The following RBM26 variants were observed in gnomAD, a reference collection of about 807,000 sequenced individuals.
RBM26 encodes the protein RNA binding motif protein 26, also known as RNA-binding protein 26.
A neutral mutation model predicts 123.6 loss-of-function variants in RBM26; 30 were observed. The ratio of observed to expected loss-of-function variants is 0.24; its 90% CI spans 0.18 to 0.33. RBM26 has a LOEUF of 0.33. Ranked by LOEUF, RBM26 falls within the 10% of genes least tolerant of loss-of-function variation. The probability of loss-of-function intolerance (pLI) is 1.00; values close to 1 mark genes in which losing one functional copy is unlikely to be tolerated. For missense variants in RBM26, 947 were observed against 1,203.6 expected (o/e 0.79, Z 3.15); for synonymous variants, 400 against 404.4 (o/e 0.99, Z 0.13).
intron 20 of RBM26, among the ~76,000 whole-genome samples, chr13:79,331,124 C>A (rs2069245958): frequency 6.6e-6 from 1 of 152,118 alleles, no homozygotes; most frequent in African/African-American, 2.4e-5. Flanking sequence ...GATCCTCCCA[C>A]CTTAGCCTCG....
chr13:79,333,607 C>T (rs924007251), intron 20 of RBM26, among the ~76,000 whole-genome samples: 1 of 152,170 alleles, frequency 6.6e-6, no homozygotes, highest in Non-Finnish European at 1.5e-5. Flanking sequence ...AAGGACAAAA[C>T]AGTGACACTG....
intron 1 of RBM26, among the ~76,000 whole-genome samples, chr13:79,394,336 G>C (rs2078368713): frequency 6.6e-6 from 1 of 152,180 alleles, no homozygotes; most frequent in Non-Finnish European, 1.5e-5. Context: ...TTTTGAGTTA[G>C]CACCCCTTTG....
chr13:79,372,456 C>T lies in RBM26; in HGVS notation c.328-526G>A, dbSNP rs1188817826. ...TATCCAAACAAAGTAAATTTCTCTA[C>T]TAAGTATAATCATTTAACTATAATG... On this transcript the variant is annotated intron_variant, in intron 3 of 21. Coordinates refer to ENST00000438737, the MANE Select transcript of RBM26 (RefSeq NM_001366735.2). Among the ~76,000 whole-genome samples the T allele has an allele frequency of 2.6e-5, 4 of 151,800 alleles. No homozygotes were observed. In the East Asian group the frequency reaches 7.7e-4, roughly 29 times the overall value.
At chr13:79,393,021 A>G (rs754648301) in intron 1 of RBM26, among the ~76,000 whole-genome samples, 1 of 152,142 alleles carries the variant, frequency 6.6e-6, no homozygotes, top group Non-Finnish European at 1.5e-5. Flanking sequence ...ACAAGCCACA[A>G]AGTGAGTCTA....
intron 1 of RBM26, among the ~76,000 whole-genome samples, chr13:79,380,195 C>T (rs2140251485): frequency 6.6e-6 from 1 of 152,088 alleles, no homozygotes; most frequent in South Asian, 2.1e-4. Flanking sequence ...GTGCACATGT[C>T]CATTTAGAGA....
In RBM26 at chr13:79,320,520, T is replaced by A; in HGVS notation, c.*101A>T. 1 of 1,272,930 alleles carries A rather than the reference T, an allele frequency of 7.9e-7. No individual in the cohort carries two copies. The highest frequency in any genetic ancestry group is 3.0e-5 in the East Asian group (1 of 33,352). The allele number at this position is 1,272,930 out of a possible 1,614,324, so 78.9% of individuals were successfully genotyped here. A position where few individuals can be genotyped will look rare whatever the true frequency, so the allele number is the denominator to read the frequency against. ...ATTTGTGAAATCCATCTTCATCACA[T>A]TTTACCAAAAATTGTTTTTACAAAT... On this transcript the variant is annotated 3_prime_UTR_variant, in exon 22 of 22. Transcript: ENST00000438737.
chr13:79,348,309 A>G (rs1424258290), intron 14 of RBM26, among the ~76,000 whole-genome samples: 1 of 152,052 alleles, frequency 6.6e-6, no homozygotes, highest in East Asian at 1.9e-4. Flanking sequence ...AATGTATAGC[A>G]CTAATACCTC....
chr13:79,383,370 C>T (rs1452317419), intron 1 of RBM26, among the ~76,000 whole-genome samples: 5 of 152,082 alleles, frequency 3.3e-5, no homozygotes, highest in Non-Finnish European at 7.4e-5. Context: ...AAAAATTACA[C>T]TGTAGATAAA....
Position 79,366,823 on chromosome 13 carries a change from A to G in RBM26, c.945T>C (p.Ser315=). ...TCACATCTTCTACAACTACTGGATC[A>G]CTTCCATGATCAAAAGGACACATGT... ...RGDMCPFDHG[S]DPVVVEDVNL... Residue 315 remains serine, a synonymous_variant, in exon 7 of 22, where the codon AGT becomes AGC. Transcript: ENST00000438737. 1.9e-6 allele frequency: 3 copies of G among 1,613,382 alleles called. No homozygotes were observed. The highest frequency in any genetic ancestry group is 2.5e-6 in the Non-Finnish European group (3 of 1,179,472).
chr13:79,344,580 T>C (rs2071978930), intron 15 of RBM26, 89 bp downstream of exon 15: 1 of 1,200,160 alleles, frequency 8.3e-7, no homozygotes, highest in African/African-American at 1.5e-5. Context: ...CCTTGTAGTC[T>C]TATTTTGCAA....
intron 19 of RBM26, among the ~76,000 whole-genome samples, chr13:79,335,641 T>C (rs1169772159): frequency 1.3e-5 from 2 of 152,154 alleles, no homozygotes; most frequent in Non-Finnish European, 2.9e-5. Context: ...AGACTAATAA[T>C]TTAAATGTGA....
chr13:79,378,241 A>AT (rs1483832524), intron 2 of RBM26, among the ~76,000 whole-genome samples: 2 of 152,212 alleles, frequency 1.3e-5, no homozygotes, highest in East Asian at 3.8e-4. Context: ...ATAGGCAGTC[A>AT]TTTTCTTAAT....
chr13:79,381,556 T>C (rs2077072150), intron 1 of RBM26, among the ~76,000 whole-genome samples: 1 of 152,070 alleles, frequency 6.6e-6, no homozygotes, highest in African/African-American at 2.4e-5. Context: ...TAGTGGTTTT[T>C]CCAGTAACTT....
rs531183540 is a variant in RBM26 at position 79,325,281 on chromosome 13, G to A, written c.2821-2819C>T. 2.4e-4 allele frequency among the ~76,000 whole-genome samples: 36 copies of A among 152,086 alleles called. 1 individual carries two copies. The South Asian group carries it at 7.1e-3, about 30-fold the overall frequency. On this transcript the variant is annotated intron_variant, in intron 20 of 21. Coordinates refer to ENST00000438737, the MANE Select transcript of RBM26 (RefSeq NM_001366735.2). ...TAAGTTAATTATAAAACAGCCTCAGGCAGTTTCCTCAGGAGGTATTTCAGA... is the reference window on the plus strand; with the variant it reads ...TAAGTTAATTATAAAACAGCCTCAGACAGTTTCCTCAGGAGGTATTTCAGA...
At chr13:79,325,623 CAA>C (rs2068273621) in intron 20 of RBM26, among the ~76,000 whole-genome samples, 1 of 151,880 alleles carries the variant, frequency 6.6e-6, no homozygotes, top group Non-Finnish European at 1.5e-5. Flanking sequence ...TTACAAGAGT[CAA>C]AAAGTTTTTA....
rs1355419735 is a variant in RBM26 at position 79,318,924 on chromosome 13, A to C, written c.*1697T>G. 1 of 978,028 alleles carries C rather than the reference A, an allele frequency of 1.0e-6. No individual in the cohort carries two copies. The highest frequency in any genetic ancestry group is 1.1e-4 in the East Asian group (1 of 8,792). The allele number at this position is 978,028 out of a possible 1,614,324, so 60.6% of individuals were successfully genotyped here. ...AACTTACCTAATGAATCAGAATAGC[A>C]CATAGTCAACATACAAGAGACTACA... is the stretch of plus-strand genomic sequence containing the variant. On this transcript the variant is annotated 3_prime_UTR_variant, in exon 22 of 22. Coordinates refer to ENST00000438737, the MANE Select transcript of RBM26 (RefSeq NM_001366735.2).
At chr13:79,360,326 AG>A (rs1181818287) in intron 9 of RBM26, among the ~76,000 whole-genome samples, 4 of 152,106 alleles carry the variant, frequency 2.6e-5, no homozygotes, top group Admixed American at 2.6e-4. Flanking sequence ...ATTCAAATAC[AG>A]TAATCTAAGG....
In RBM26 at chr13:79,319,742, A is replaced by C. The variant is rs1001987505; in HGVS notation, c.*879T>G. The C allele has an allele frequency of 3.1e-5, 30 of 983,062 alleles. No homozygotes were observed. The highest frequency in any genetic ancestry group is 3.6e-5 in the Non-Finnish European group (30 of 828,140). 60.9% of individuals were successfully genotyped at this position (983,062 alleles called of 1,614,324 possible). A position where few individuals can be genotyped will look rare whatever the true frequency, so the allele number is the denominator to read the frequency against. On this transcript the variant is annotated 3_prime_UTR_variant, in exon 22 of 22. Transcript: ENST00000438737. ...TTGAAAATTTATAGGATCAAACCAA[A>C]CTCAAGTGGTATAATTTTTAAACAT...
chr13:79,341,163 ACTT>A lies in RBM26; in HGVS notation c.2489_2491del (p.Glu830del). ...TGTATACTTTCTCCTAAGTTCAGTG[ACTT>A]CTTCTCCAGCCTGCATCTTCTTATA... On this transcript the variant is annotated inframe_deletion, in exon 18 of 22. Coordinates refer to ENST00000438737, the MANE Select transcript of RBM26 (RefSeq NM_001366735.2). The A allele has an allele frequency of 2.5e-6, 4 of 1,610,154 alleles. No individual in the cohort carries two copies. The highest frequency in any genetic ancestry group is 1.3e-5 in the African/African-American group (1 of 74,936).
Sources: allele counts gnomAD v4.1 joint callset (sites outside exome capture counted in the v4.1 genomes callset), GRCh38; gene constraint gnomAD v4.1.1; transcripts MANE v1.5; gene names NCBI Gene and HGNC (gene_info 2026-07-23, HGNC 2026-07-21).